PTPN4: variants seen among roughly 807,000 people sequenced by gnomAD.
PTPN4 encodes tyrosine-protein phosphatase non-receptor type 4.
PTPN4 carries 49 observed loss-of-function variants against 135.5 expected under a neutral mutation model. The observed-to-expected ratio is 0.36, with a 90% CI of 0.29 to 0.46. The LOEUF (loss-of-function observed/expected upper bound fraction) is 0.46. PTPN4 is among the 20% of genes least tolerant of loss of function. PTPN4 has a pLI of 1.00. For synonymous variants in PTPN4, 333 were observed against 369.9 expected (o/e 0.90, Z 1.14); for missense variants, 860 against 1,101.0 (o/e 0.78, Z 3.10).
intron 3 of PTPN4, among the ~76,000 whole-genome samples, chr2:119,876,897 ATGTG>A (rs3835789): frequency 0.051 from 6,989 of 136,004 alleles, 157 homozygotes; most frequent in Non-Finnish European, 0.054. Context: ...GCCCAAGAGC[ATGTG>A]TGTGTGTGTG....
At chr2:119,790,663 G>C (rs1210748652) in intron 1 of PTPN4, among the ~76,000 whole-genome samples, 1 of 152,050 alleles carries the variant, frequency 6.6e-6, no homozygotes, top group East Asian at 1.9e-4. Flanking sequence ...TTTGATTTGA[G>C]TATTTAGTCC....
intron 14 of PTPN4, among the ~76,000 whole-genome samples, chr2:119,933,662 C>CA (rs34318106): frequency 0.14 from 11,387 of 80,080 alleles, 630 homozygotes; most frequent in African/African-American, 0.24. Context: ...GACCCTGTCT[C>CA]AAAAAAAAAA....
At chr2:119,931,011 T>C (rs577839496) in intron 13 of PTPN4, among the ~76,000 whole-genome samples, 3 of 152,244 alleles carry the variant, frequency 2.0e-5, no homozygotes, top group African/African-American at 4.8e-5. Context: ...TAACCAAAAA[T>C]AGTCTTCATT....
chr2:119,799,972 T>A (rs980517371), intron 1 of PTPN4, among the ~76,000 whole-genome samples: 1 of 152,216 alleles, frequency 6.6e-6, no homozygotes, highest in Admixed American at 6.5e-5. Flanking sequence ...TTTCTTCATT[T>A]TCTTAAGTTA....
chr2:119,929,918 G>A (rs906320892), intron 13 of PTPN4, among the ~76,000 whole-genome samples: 1 of 151,956 alleles, frequency 6.6e-6, no homozygotes, highest in Non-Finnish European at 1.5e-5. Flanking sequence ...TACAGTTAGT[G>A]AACTTTCATA....
At chr2:119,935,839 C>T (rs986483735) in intron 15 of PTPN4, among the ~76,000 whole-genome samples, 1 of 152,046 alleles carries the variant, frequency 6.6e-6, no homozygotes, top group African/African-American at 2.4e-5. Flanking sequence ...TTTAAAATTA[C>T]ATACTTCTGT....
chr2:119,955,719 C>A (rs1291373981), intron 20 of PTPN4, among the ~76,000 whole-genome samples: 1 of 152,038 alleles, frequency 6.6e-6, no homozygotes, highest in Non-Finnish European at 1.5e-5. Flanking sequence ...GGGCGGATCA[C>A]AAGGTCAGGA....
At chr2:119,840,465 C>T (rs2104969809) in intron 2 of PTPN4, among the ~76,000 whole-genome samples, 1 of 152,374 alleles carries the variant, frequency 6.6e-6, no homozygotes, top group South Asian at 2.1e-4. Flanking sequence ...GTATGTACCA[C>T]ATTTTCCTAA....
chr2:119,773,124 T>C (rs1481350001), intron 1 of PTPN4, among the ~76,000 whole-genome samples: 1 of 152,242 alleles, frequency 6.6e-6, no homozygotes. Context: ...ATTAATTTCA[T>C]TTCTTATATT....
chr2:119,911,034 A>G (rs1574400555), intron 10 of PTPN4, among the ~76,000 whole-genome samples: 1 of 152,174 alleles, frequency 6.6e-6, no homozygotes, highest in Non-Finnish European at 1.5e-5. Flanking sequence ...TTGAAATTAT[A>G]ATTAGAAACC....
chr2:119,974,620 T>C (rs1679587939), intron 26 of PTPN4, among the ~76,000 whole-genome samples: 1 of 152,204 alleles, frequency 6.6e-6, no homozygotes, highest in Admixed American at 6.5e-5. Context: ...TTGATAGCTT[T>C]GTTGCTATCA....
intron 26 of PTPN4, among the ~76,000 whole-genome samples, chr2:119,969,016 T>G (rs1679488009): frequency 6.6e-6 from 1 of 152,112 alleles, no homozygotes; most frequent in Non-Finnish European, 1.5e-5. Context: ...AGTAAGTGCC[T>G]ATAATTTTTT....
At chr2:119,860,232 T>C (rs1486029533) in intron 2 of PTPN4, among the ~76,000 whole-genome samples, 1 of 152,140 alleles carries the variant, frequency 6.6e-6, no homozygotes, top group Non-Finnish European at 1.5e-5. Flanking sequence ...ATATAAAACA[T>C]TTGCAGGCGA....
intron 9 of PTPN4, among the ~76,000 whole-genome samples, chr2:119,892,641 G>A (rs542637702): frequency 6.6e-6 from 1 of 152,178 alleles, no homozygotes; most frequent in East Asian, 1.9e-4. Flanking sequence ...TGTGGCTTGT[G>A]TAGTGCGAAC....
intron 1 of PTPN4, among the ~76,000 whole-genome samples, chr2:119,806,991 C>G (rs561174111): frequency 1.4e-4 from 22 of 152,144 alleles, no homozygotes; most frequent in African/African-American, 5.3e-4. Flanking sequence ...GGGTAAATAA[C>G]AAAATTAAGG....
chr2:119,797,136 G>T (rs189542817), intron 1 of PTPN4, among the ~76,000 whole-genome samples: 65 of 151,978 alleles, frequency 4.3e-4, no homozygotes, highest in African/African-American at 1.4e-3. Context: ...TTTTTTCCCA[G>T]CCTCTGGGTT....
intron 22 of PTPN4, among the ~76,000 whole-genome samples, chr2:119,959,997 A>T (rs910971059): frequency 6.6e-6 from 1 of 152,194 alleles, no homozygotes; most frequent in South Asian, 2.1e-4. Context: ...ACAACATTAT[A>T]TATATAGTAT....
chr2:119,779,436 T>A (rs1690897127), intron 1 of PTPN4, among the ~76,000 whole-genome samples: 3 of 152,156 alleles, frequency 2.0e-5, no homozygotes, highest in Non-Finnish European at 4.4e-5. Context: ...GCTAACACGG[T>A]GAAACCCCAT....
intron 1 of PTPN4, among the ~76,000 whole-genome samples, chr2:119,783,189 C>T (rs972243379): frequency 6.6e-6 from 1 of 152,058 alleles, no homozygotes; most frequent in Non-Finnish European, 1.5e-5. Context: ...GACGTTTTTC[C>T]ATTTGTACAT....
Sources: allele counts gnomAD v4.1 joint callset (sites outside exome capture counted in the v4.1 genomes callset), GRCh38; gene constraint gnomAD v4.1.1; transcripts MANE v1.5; gene names NCBI Gene and HGNC (gene_info 2026-07-23, HGNC 2026-07-21).